LANCL3: variants seen among roughly 807,000 people sequenced by gnomAD.
LANCL3 encodes the protein LanC like family member 3, also known as lanC-like protein 3.
LANCL3 carries 19 observed loss-of-function variants against 26.5 expected under a neutral mutation model. That is an observed-to-expected ratio of 0.72 (90% CI 0.50 to 1.05). The LOEUF is 1.05. LANCL3 is among the 50% of genes least tolerant of loss of function. LANCL3 has a pLI of 0.00. For missense variants in LANCL3, 318 were observed against 362.7 expected, an observed-to-expected ratio of 0.88 and a Z score of 1.00; for synonymous variants, 160 against 166.6, an observed-to-expected ratio of 0.96 and a Z score of 0.30.
intron 1 of LANCL3, among the ~76,000 whole-genome samples, chrX:37,597,561 G>A (rs1180364842): frequency 9.0e-6 from 1 of 110,586 alleles, no homozygotes; most frequent in African/African-American, 3.3e-5. Context: ...CACCAAGGCT[G>A]GGGGTGCAGT....
At chrX:37,672,098 A>G (rs1022374572) in intron 4 of LANCL3, among the ~76,000 whole-genome samples, 72 of 111,959 alleles carry the variant, frequency 6.4e-4, no homozygotes, top group Non-Finnish European at 1.1e-3. Context: ...TCTTTTTTGT[A>G]ATTTTTAATA....
rs532758643 is a variant in LANCL3 at position 37,601,109 on chromosome X, G to A, written c.573+28666G>A. ...TTTGGTGGGGGAAGAGTTGTCATGA[G>A]TAGCATATTGTGGGTAATTGCATAG... is the stretch of plus-strand genomic sequence containing the variant. On this transcript the variant is annotated intron_variant, in intron 1 of 4. Transcript: ENST00000378619. Among the ~76,000 whole-genome samples, 46 of 111,826 alleles carry A rather than the reference G, an allele frequency of 4.1e-4. 1 individual carries two copies. The South Asian group carries it at 0.017, about 42-fold the overall frequency.
chrX:37,655,555 C>T (rs782720174), intron 1 of LANCL3, 133 bp from the exon 2 acceptor site: 6 of 434,742 alleles, frequency 1.4e-5, no homozygotes, highest in African/African-American at 2.6e-5. Context: ...AATAAATTTT[C>T]GTTGACTAAG....
intron 2 of LANCL3, among the ~76,000 whole-genome samples, chrX:37,657,542 ATT>A (rs34071239): frequency 0.11 from 10,116 of 92,381 alleles, 1,454 homozygotes; most frequent in African/African-American, 0.37. Flanking sequence ...TTTATCTTTA[ATT>A]TTTTTTTTTT....
chrX:37,644,351 C>A (rs782125657), intron 1 of LANCL3, among the ~76,000 whole-genome samples: 3 of 112,075 alleles, frequency 2.7e-5, no homozygotes, highest in African/African-American at 9.7e-5. Context: ...GGAACACTAA[C>A]ATTTGAGAAG....
At chrX:37,606,332 A>C (rs1185685090) in intron 1 of LANCL3, among the ~76,000 whole-genome samples, 1 of 111,969 alleles carries the variant, frequency 8.9e-6, no homozygotes. Flanking sequence ...CATAAGTCAC[A>C]TTGTTTGCAC....
chrX:37,574,111 T>C (rs1923682906), intron 1 of LANCL3, among the ~76,000 whole-genome samples: 1 of 103,349 alleles, frequency 9.7e-6, no homozygotes, highest in Admixed American at 1.0e-4. Context: ...GGTCTTAACC[T>C]GAGCCTGAGC....
chrX:37,598,340 G>A (rs1415633139), intron 1 of LANCL3, among the ~76,000 whole-genome samples: 2 of 111,877 alleles, frequency 1.8e-5, no homozygotes, highest in African/African-American at 3.2e-5. Flanking sequence ...CCTGAGTCCA[G>A]GCCATGCTCC....
chrX:37,648,258 C>A (rs1926036766), intron 1 of LANCL3, among the ~76,000 whole-genome samples: 1 of 112,255 alleles, frequency 8.9e-6, no homozygotes, highest in Non-Finnish European at 1.9e-5. Flanking sequence ...TTGTATACTC[C>A]AGATATACAG....
chrX:37,614,283 G>A (rs1372979396), intron 1 of LANCL3, among the ~76,000 whole-genome samples: 2 of 111,299 alleles, frequency 1.8e-5, no homozygotes, highest in Non-Finnish European at 3.8e-5. Flanking sequence ...CCATGCCTGG[G>A]CCCCACTCCA....
intron 1 of LANCL3, among the ~76,000 whole-genome samples, chrX:37,617,131 GGA>G (rs1367390286): frequency 8.7e-5 from 9 of 104,027 alleles, no homozygotes; most frequent in Admixed American, 6.1e-4. Context: ...TGGGGGGGAG[GGA>G]GAGAGAGAGA....
At chrX:37,668,804 T>C (rs1556434996) in intron 4 of LANCL3, among the ~76,000 whole-genome samples, 1 of 111,837 alleles carries the variant, frequency 8.9e-6, no homozygotes, top group Non-Finnish European at 1.9e-5. Context: ...TTGTGTGACA[T>C]TTAACAAATC....
In LANCL3 at chrX:37,612,421, G is replaced by C. The variant is rs1354248254; in HGVS notation, c.573+39978G>C. Among the ~76,000 whole-genome samples the C allele has an allele frequency of 4.5e-5, 5 of 111,375 alleles. No individual in the cohort carries two copies. In the Admixed American group the frequency reaches 4.8e-4, roughly 11 times the overall value. ...CAGGAGAGAGATCAGGTGATGTCAA[G>C]ACAGGATTGTTTAACATAGTAACAT... On this transcript the variant is annotated intron_variant, in intron 1 of 4. Coordinates refer to ENST00000378619, the MANE Select transcript of LANCL3 (RefSeq NM_001170331.2).
At chrX:37,662,458 C>A (rs1318959207) in intron 3 of LANCL3, among the ~76,000 whole-genome samples, 1 of 111,577 alleles carries the variant, frequency 9.0e-6, no homozygotes, top group Non-Finnish European at 1.9e-5. Flanking sequence ...GAATAAAGAA[C>A]AACAAGGCTT....
chrX:37,602,354 T>G (rs1350441600), intron 1 of LANCL3, among the ~76,000 whole-genome samples: 1 of 111,856 alleles, frequency 8.9e-6, no homozygotes, highest in Admixed American at 9.5e-5. Flanking sequence ...GTCAGCTTAA[T>G]GAATCTCTAA....
intron 1 of LANCL3, among the ~76,000 whole-genome samples, chrX:37,617,131 G>GGAGA (rs1367390286): frequency 9.6e-6 from 1 of 104,036 alleles, no homozygotes; most frequent in Non-Finnish European, 2.0e-5. Flanking sequence ...TGGGGGGGAG[G>GGAGA]GAGAGAGAGA....
At chrX:37,610,084 C>G (rs1458986481) in intron 1 of LANCL3, among the ~76,000 whole-genome samples, 1 of 111,794 alleles carries the variant, frequency 8.9e-6, no homozygotes, top group African/African-American at 3.2e-5. Flanking sequence ...TGTCTCTGCT[C>G]CTTCTGTTGT....
intron 1 of LANCL3, among the ~76,000 whole-genome samples, chrX:37,640,523 T>C (rs1925836263): frequency 8.9e-6 from 1 of 111,970 alleles, no homozygotes; most frequent in African/African-American, 3.2e-5. Flanking sequence ...GTAATCTCCA[T>C]AGTGGCAGAG....
chrX:37,675,577 G>T (rs1294375861), intron 4 of LANCL3, 77 bp from the exon 5 acceptor site: 3 of 490,707 alleles, frequency 6.1e-6, no homozygotes, highest in Non-Finnish European at 9.2e-6. Context: ...AACTTTAATA[G>T]AAGAGGAAGA....
Sources: allele counts gnomAD v4.1 joint callset (sites outside exome capture counted in the v4.1 genomes callset), GRCh38; gene constraint gnomAD v4.1.1; transcripts MANE v1.5; gene names NCBI Gene and HGNC (gene_info 2026-07-23, HGNC 2026-07-21).